The following NXPE2 variants were observed in gnomAD, a reference collection of about 807,000 sequenced individuals.
NXPE2 encodes the protein NXPE family member 2.
NXPE2 carries 34 observed loss-of-function variants against 34.4 expected under a neutral mutation model. The observed-to-expected ratio is 0.99, with a 90% confidence interval of 0.75 to 1.31. The LOEUF is 1.31. NXPE2 is among the 40% of genes most tolerant of loss of function. The pLI is 0.00. For missense variants in NXPE2, 649 were observed against 672.5 expected, an observed-to-expected ratio of 0.97 and a Z score of 0.39; for synonymous variants, 235 against 231.3, an observed-to-expected ratio of 1.02 and a Z score of -0.15.
At chr11:114,523,966 C>G in the NXPE2 span, among the ~76,000 whole-genome samples, 1 of 152,214 alleles carries the variant, frequency 6.6e-6, no homozygotes, top group African/African-American at 2.4e-5. Context: ...TTCTGTCTCA[C>G]ATAACAGGCC....
the NXPE2 span, among the ~76,000 whole-genome samples, chr11:114,603,621 C>T: frequency 6.6e-6 from 1 of 151,656 alleles, no homozygotes; most frequent in South Asian, 2.1e-4. Flanking sequence ...ATTGCCTTGT[C>T]TCCTAGGTAA....
the NXPE2 span, among the ~76,000 whole-genome samples, chr11:114,555,665 A>G: frequency 2.0e-5 from 3 of 152,190 alleles, no homozygotes; most frequent in African/African-American, 7.2e-5. Context: ...CCTCCTGTGC[A>G]TGCCCCGCTG....
the NXPE2 span, chr11:114,580,252 G>A: frequency 6.2e-7 from 1 of 1,614,010 alleles, no homozygotes; most frequent in Non-Finnish European, 8.5e-7. Context: ...CAGGAGACAG[G>A]ATTCCATGTG....
At chr11:114,578,192 G>C in the NXPE2 span, among the ~76,000 whole-genome samples, 128 of 152,278 alleles carry the variant, frequency 8.4e-4, no homozygotes, top group Middle Eastern at 6.8e-3. Flanking sequence ...AACCCAGTGA[G>C]GCTGGAAAAC....
the NXPE2 span, among the ~76,000 whole-genome samples, chr11:114,724,890 GTTTTTTT>G: frequency 1.1e-5 from 1 of 90,952 alleles, no homozygotes; most frequent in Non-Finnish European, 2.1e-5. Flanking sequence ...TTCAGAAATG[GTTTTTTT>G]TTTTTTTTTT....
the NXPE2 span, among the ~76,000 whole-genome samples, chr11:114,492,541 CT>C: frequency 0.16 from 22,818 of 141,284 alleles, 1,982 homozygotes; most frequent in East Asian, 0.27. Context: ...GTTTCTTTTT[CT>C]TTTTTTTTTT....
chr11:114,609,859 C>CCACT, the NXPE2 span, among the ~76,000 whole-genome samples: 5 of 145,416 alleles, frequency 3.4e-5, no homozygotes, highest in African/African-American at 1.3e-4. Flanking sequence ...TATTGCCTCG[C>CCACT]GGGTAACCAC....
the NXPE2 span, among the ~76,000 whole-genome samples, chr11:114,632,721 A>G: frequency 1.7e-5 from 1 of 59,040 alleles, no homozygotes; most frequent in African/African-American, 6.3e-5. Context: ...TATAATATAT[A>G]TAATATATAA....
chr11:114,566,546 A>G, the NXPE2 span, among the ~76,000 whole-genome samples: 3 of 152,194 alleles, frequency 2.0e-5, no homozygotes, highest in Admixed American at 2.0e-4. Flanking sequence ...CGCTGGCAGG[A>G]GCGATTTAGA....
At chr11:114,616,779 G>A in the NXPE2 span, among the ~76,000 whole-genome samples, 2 of 151,580 alleles carry the variant, frequency 1.3e-5, 1 homozygote, top group African/African-American at 4.9e-5. Context: ...TTGCCTCTTG[G>A]CTTACCACTG....
At chr11:114,606,751 G>C in the NXPE2 span, among the ~76,000 whole-genome samples, 1 of 151,948 alleles carries the variant, frequency 6.6e-6, no homozygotes, top group Non-Finnish European at 1.5e-5. Flanking sequence ...TGGATAATAA[G>C]TAGTACCACA....
At chr11:114,565,025 T>C in the NXPE2 span, among the ~76,000 whole-genome samples, 1 of 152,224 alleles carries the variant, frequency 6.6e-6, no homozygotes, top group Admixed American at 6.5e-5. Context: ...ATTGATATCA[T>C]TGTCTACATT....
chr11:114,574,925 T>C, the NXPE2 span, among the ~76,000 whole-genome samples: 7 of 152,184 alleles, frequency 4.6e-5, no homozygotes, highest in East Asian at 9.7e-4. Flanking sequence ...CTTATGAACA[T>C]AGATGCTAAA....
chr11:114,623,870 G>C, the NXPE2 span, among the ~76,000 whole-genome samples: 1 of 152,094 alleles, frequency 6.6e-6, no homozygotes, highest in East Asian at 1.9e-4. Context: ...GTTAACAACT[G>C]TTACCCAGGG....
the NXPE2 span, chr11:114,583,340 A>G: frequency 6.4e-6 from 4 of 620,928 alleles, no homozygotes; most frequent in Non-Finnish European, 9.2e-6. Context: ...AGCCCACCCA[A>G]GGAATCCTCA....
At chr11:114,602,688 T>A in the NXPE2 span, among the ~76,000 whole-genome samples, 1 of 140,292 alleles carries the variant, frequency 7.1e-6, no homozygotes, top group Non-Finnish European at 1.5e-5. Flanking sequence ...ATGTAATAAT[T>A]ATCTCATATA....
chr11:114,566,709 C>CT, the NXPE2 span, among the ~76,000 whole-genome samples: 1 of 152,110 alleles, frequency 6.6e-6, no homozygotes, highest in African/African-American at 2.4e-5. Context: ...CTCTCTCTCT[C>CT]TCTCTCTATC....
At chr11:114,795,351 C>T in the NXPE2 span, among the ~76,000 whole-genome samples, 6 of 152,186 alleles carry the variant, frequency 3.9e-5, no homozygotes, top group East Asian at 1.2e-3. Context: ...TTCCCTATTC[C>T]TCAACTGGTT....
chr11:114,717,091 T>A, the NXPE2 span, among the ~76,000 whole-genome samples: 12 of 152,122 alleles, frequency 7.9e-5, no homozygotes, highest in Non-Finnish European at 1.8e-4. Flanking sequence ...TACAGGAAAA[T>A]TTGCTGATCC....
Sources: allele counts gnomAD v4.1 joint callset (sites outside exome capture counted in the v4.1 genomes callset), GRCh38; gene constraint gnomAD v4.1.1; transcripts MANE v1.5; gene names NCBI Gene and HGNC (gene_info 2026-07-23, HGNC 2026-07-21).